The following BCKDHB variants were observed in gnomAD, a reference collection of about 807,000 sequenced individuals.
BCKDHB encodes the protein 2-oxoisovalerate dehydrogenase subunit beta, mitochondrial.
A neutral mutation model predicts 48.5 loss-of-function variants in BCKDHB; 41 were observed. That is an observed-to-expected ratio of 0.85 (90% CI 0.66 to 1.10). BCKDHB has a LOEUF of 1.10. Among genes scored for constraint, BCKDHB ranks in the 50% least tolerant of loss-of-function variants. The pLI is 0.00. For missense variants in BCKDHB, 496 were observed against 494.2 expected, an observed-to-expected ratio of 1.00 and a Z score of -0.03; for synonymous variants, 201 against 174.8, an observed-to-expected ratio of 1.15 and a Z score of -1.18.
At chr6:80,430,911 T>G in the BCKDHB span, among the ~76,000 whole-genome samples, 47 of 152,330 alleles carry the variant, frequency 3.1e-4, no homozygotes, top group Middle Eastern at 6.8e-3. Context: ...ATTTTGGTGT[T>G]AGGGTGTAGA....
chr6:80,291,805 T>G (rs1302132252), intron 9 of BCKDHB, among the ~76,000 whole-genome samples: 2 of 152,234 alleles, frequency 1.3e-5, no homozygotes, highest in Admixed American at 6.5e-5. Flanking sequence ...CATAATTTTT[T>G]TCGTCTCTTC....
intron 1 of BCKDHB, 117 bp from the exon 2 acceptor site, chr6:80,127,430 T>A: frequency 1.2e-6 from 1 of 837,794 alleles, no homozygotes; most frequent in Non-Finnish European, 2.0e-6. Context: ...TTCAGCAATT[T>A]GCATAATATC....
At chr6:80,406,843 A>T in the BCKDHB span, among the ~76,000 whole-genome samples, 4 of 152,196 alleles carry the variant, frequency 2.6e-5, no homozygotes, top group African/African-American at 9.7e-5. Context: ...TTTACTGTGC[A>T]GAAGCTCTTT....
At chr6:80,365,087 C>T in the BCKDHB span, among the ~76,000 whole-genome samples, 271 of 151,730 alleles carry the variant, frequency 1.8e-3, 1 homozygote, top group African/African-American at 6.4e-3. Flanking sequence ...AGCAGAACTA[C>T]TAATAAGGGT....
At chr6:80,348,232 C>T (rs9361604), downstream of BCKDHB, among the ~76,000 whole-genome samples, 31,127 of 151,828 alleles carry the variant, frequency 0.21, 3,643 homozygotes, top group South Asian at 0.37. Context: ...AAATGAGGAA[C>T]AAGATTCAGA....
At chr6:80,258,003 C>T (rs1203036193) in intron 8 of BCKDHB, among the ~76,000 whole-genome samples, 1 of 151,704 alleles carries the variant, frequency 6.6e-6, no homozygotes, top group Non-Finnish European at 1.5e-5. Flanking sequence ...TTATAAAAAT[C>T]TATAAATCAG....
intron 9 of BCKDHB, among the ~76,000 whole-genome samples, chr6:80,292,151 A>G (rs987711579): frequency 6.6e-6 from 1 of 151,946 alleles, no homozygotes; most frequent in Non-Finnish European, 1.5e-5. Context: ...TAGACAAGGT[A>G]TGAGGCCAGT....
chr6:80,235,630 C>T (rs1268564181), intron 8 of BCKDHB, among the ~76,000 whole-genome samples: 1 of 152,136 alleles, frequency 6.6e-6, no homozygotes, highest in African/African-American at 2.4e-5. Flanking sequence ...ACTTGATTGC[C>T]ACATTAATTA....
intron 1 of BCKDHB, among the ~76,000 whole-genome samples, chr6:80,124,918 G>T (rs1426915218): frequency 6.6e-6 from 1 of 152,160 alleles, no homozygotes; most frequent in East Asian, 1.9e-4. Context: ...TTTCAGAATG[G>T]TGAATGAACA....
At chr6:80,410,251 C>T in the BCKDHB span, among the ~76,000 whole-genome samples, 3 of 152,138 alleles carry the variant, frequency 2.0e-5, no homozygotes, top group Admixed American at 1.3e-4. Context: ...AAATTATTTT[C>T]TTTAAGAATC....
chr6:80,393,792 C>T, the BCKDHB span, among the ~76,000 whole-genome samples: 1 of 152,134 alleles, frequency 6.6e-6, no homozygotes, highest in Non-Finnish European at 1.5e-5. Flanking sequence ...CATTTATTTC[C>T]TACGTTGAAC....
At chr6:80,157,421 A>C (rs1772095095) in intron 3 of BCKDHB, among the ~76,000 whole-genome samples, 2 of 150,664 alleles carry the variant, frequency 1.3e-5, no homozygotes, top group South Asian at 4.2e-4. Flanking sequence ...CACTATGTAC[A>C]AGGGATTGTT....
At chr6:80,358,640 T>TATAC in the BCKDHB span, among the ~76,000 whole-genome samples, 7 of 152,244 alleles carry the variant, frequency 4.6e-5, no homozygotes, top group African/African-American at 1.7e-4. Context: ...ACATATTGTA[T>TATAC]GATTCCTTTC....
intron 6 of BCKDHB, among the ~76,000 whole-genome samples, chr6:80,186,425 A>G (rs1176443373): frequency 6.6e-6 from 1 of 152,180 alleles, no homozygotes; most frequent in Admixed American, 6.5e-5. Context: ...TGCCCCACCA[A>G]CAGCACACGT....
chr6:80,399,438 T>G, the BCKDHB span, among the ~76,000 whole-genome samples: 1 of 152,092 alleles, frequency 6.6e-6, no homozygotes, highest in Non-Finnish European at 1.5e-5. Context: ...ATAACTAACA[T>G]TTCTAAACAA....
the BCKDHB span, among the ~76,000 whole-genome samples, chr6:80,392,514 A>G: frequency 2.6e-5 from 4 of 151,664 alleles, no homozygotes; most frequent in African/African-American, 7.3e-5. Context: ...TGTCCTCAAT[A>G]ATATTGTTTC....
chr6:80,189,880 T>C (rs2322637), intron 6 of BCKDHB, among the ~76,000 whole-genome samples: 1 of 152,176 alleles, frequency 6.6e-6, no homozygotes, highest in Non-Finnish European at 1.5e-5. Context: ...TTATGAATTC[T>C]AGCTAATTTA....
Position 80,296,674 on chromosome 6 carries a change from T to G in BCKDHB, c.1038+23453T>G, listed in dbSNP as rs190569266. On this transcript the variant is annotated intron_variant, in intron 9 of 9. Coordinates refer to ENST00000320393, the MANE Select transcript of BCKDHB (RefSeq NM_183050.4). ...TTTACATTTTTTTTTAATGAGCAGA[T>G]CAGTGCTATGAAAAACCTGTTGTGC... Among the ~76,000 whole-genome samples the G allele has an allele frequency of 3.5e-4, 53 of 152,248 alleles. 1 individual carries two copies. The East Asian group carries it at 9.6e-3, about 28-fold the overall frequency.
chr6:80,188,788 TAAAATA>T (rs926571822), intron 6 of BCKDHB, among the ~76,000 whole-genome samples: 1 of 152,046 alleles, frequency 6.6e-6, no homozygotes, highest in African/African-American at 2.4e-5. Flanking sequence ...CCCTTGAACA[TAAAATA>T]AAAATAAAAA....
Sources: allele counts gnomAD v4.1 joint callset (sites outside exome capture counted in the v4.1 genomes callset), GRCh38; gene constraint gnomAD v4.1.1; transcripts MANE v1.5; gene names NCBI Gene and HGNC (gene_info 2026-07-23, HGNC 2026-07-21).